Variants in GALNS observed in about 807,000 individuals in gnomAD.
GALNS encodes N-acetylgalactosamine-6-sulfatase.
A neutral mutation model predicts 65.9 loss-of-function variants in GALNS; 65 were observed. The observed-to-expected ratio is 0.99, with a 90% confidence interval of 0.81 to 1.21. The LOEUF (loss-of-function observed/expected upper bound fraction) is 1.21, where lower values mean the gene tolerates loss of function less well. Ranked by LOEUF, GALNS falls within the 50% of genes most tolerant of loss-of-function variation. GALNS has a pLI of 0.00. For missense variants in GALNS, 776 were observed against 700.7 expected (o/e 1.11, Z -1.21); for synonymous variants, 346 against 288.9 (o/e 1.20, Z -2.00).
intron 2 of GALNS, 145 bp from the exon 3 acceptor site, chr16:88,842,116 C>T (rs1020369203): frequency 1.3e-6 from 1 of 752,394 alleles, no homozygotes; most frequent in East Asian, 2.7e-5. Flanking sequence ...CTGTCAATCC[C>T]CGTTAGCGTC....
In GALNS at chr16:88,814,179, C is replaced by T. The variant is rs948504888; in HGVS notation, c.*260G>A. 1.4e-5 allele frequency: 8 copies of T among 570,096 alleles called. No homozygotes were observed. Among genetic ancestry groups the T allele is most frequent in the South Asian group, 4.0e-5 (2 of 50,286 alleles). 35.3% of individuals were successfully genotyped at this position (570,096 alleles called of 1,614,324 possible). A position where few individuals can be genotyped will look rare whatever the true frequency, so the allele number is the denominator to read the frequency against. ...ATTTGGGGTTCACAAAGGCGTGAGACGGCAGGGTCCTGAGGTCTGAGGCGC... is the reference window on the plus strand; with the variant it reads ...ATTTGGGGTTCACAAAGGCGTGAGATGGCAGGGTCCTGAGGTCTGAGGCGC... On this transcript the variant is annotated 3_prime_UTR_variant, in exon 14 of 14. Coordinates refer to ENST00000268695, the MANE Select transcript of GALNS (RefSeq NM_000512.5).
intron 8 of GALNS, among the ~76,000 whole-genome samples, chr16:88,834,958 G>A (rs1033797544): frequency 6.6e-6 from 1 of 152,090 alleles, no homozygotes; most frequent in Admixed American, 6.6e-5. Context: ...GGAGGCGTCA[G>A]CCTCTTCCAA....
At chr16:88,816,231 T>C (rs1003885093) in intron 13 of GALNS, 20 of 985,324 alleles carry the variant, frequency 2.0e-5, no homozygotes, top group Non-Finnish European at 2.4e-5. Context: ...TCCCCTGCCC[T>C]GTGCCCACTG....
At position 88,830,230 on chromosome 16, in the gene GALNS, C is replaced by CAAAA. The variant is rs758855583; in HGVS notation, c.1002+1764_1002+1767dup. ...TGGGCAACAGAGTGAGACTTCATCT[C>CAAAA]AAAAAAAAAAAAAAAAAAAAAAAAA... On this transcript the variant is annotated intron_variant, in intron 9 of 13. Coordinates refer to ENST00000268695, the MANE Select transcript of GALNS (RefSeq NM_000512.5). Among the ~76,000 whole-genome samples the CAAAA allele has an allele frequency of 3.6e-4, 5 of 13,982 alleles. 1 individual carries two copies. Among genetic ancestry groups the CAAAA allele is most frequent in the African/African-American group, 6.8e-4 (4 of 5,850 alleles). 9.2% of individuals were successfully genotyped at this position (13,982 alleles called of 152,430 possible). A position where few individuals can be genotyped will look rare whatever the true frequency, so the allele number is the denominator to read the frequency against.
At chr16:88,851,120 G>A (rs1276512930) in intron 1 of GALNS, among the ~76,000 whole-genome samples, 1 of 152,138 alleles carries the variant, frequency 6.6e-6, no homozygotes, top group African/African-American at 2.4e-5. Context: ...ATGAAAAGCA[G>A]GTGTGGACAG....
At position 88,824,815 on chromosome 16, in the gene GALNS, G is replaced by C; in HGVS notation, c.1194C>G (p.His398Gln). ...TGGTCCAGGTCCAGAAGTGAGCCTT[G>C]TGCTGCCCGAGGGTGGCCGCCATCA... ...DTLMAATLGQ[H>Q]KAHFWTWTNS... Residue 398 changes from histidine to glutamine, a missense_variant, in exon 11 of 14, where the codon CAC (histidine) becomes CAG (glutamine). By Grantham distance (24) the His-to-Gln change is conservative. Transcript: ENST00000268695. 2.5e-6 allele frequency: 4 copies of C among 1,613,438 alleles called. No individual in the cohort carries two copies. The highest frequency in any genetic ancestry group is 3.4e-6 in the Non-Finnish European group (4 of 1,180,014).
At position 88,856,329 on chromosome 16, in the gene GALNS, C is replaced by G. The variant is rs1461048396; in HGVS notation, c.120+429G>C. On this transcript the variant is annotated intron_variant, in intron 1 of 13. Transcript: ENST00000268695. ...AGGGCGACGCAGCTCTCAGGCAGGG[C>G]GGCAGGAGCAGCCTCTTCCTCCCTT... 3 of 702,526 alleles carry G rather than the reference C, an allele frequency of 4.3e-6. No individual in the cohort carries two copies. In the African/African-American group the frequency reaches 5.2e-5, roughly 12 times the overall value. The allele number at this position is 702,526 out of a possible 1,614,324, so 43.5% of individuals were successfully genotyped here.
At chr16:88,816,508 C>CCGGGGG in intron 13 of GALNS, 1 of 983,264 alleles carries the variant, frequency 1.0e-6, no homozygotes, top group Non-Finnish European at 1.2e-6. Context: ...TGAAACTTGC[C>CCGGGGG]AGGCACCCCC....
intron 6 of GALNS, 120 bp downstream of exon 6, chr16:88,836,081 C>A: frequency 8.8e-7 from 1 of 1,130,598 alleles, no homozygotes; most frequent in Non-Finnish European, 1.3e-6. Context: ...GTCCCTGAAC[C>A]CATGCCTCCC....
chr16:88,856,244 C>G, intron 1 of GALNS: 1 of 703,048 alleles, frequency 1.4e-6, no homozygotes, highest in Non-Finnish European at 2.6e-6. Flanking sequence ...AGACAGCCGT[C>G]AGGTAAGACT....
intron 13 of GALNS, chr16:88,815,647 G>T: frequency 1.0e-6 from 1 of 985,480 alleles, no homozygotes; most frequent in Non-Finnish European, 1.2e-6. Flanking sequence ...GTCAGACGCC[G>T]CATGGCCCTG....
At chr16:88,848,167 C>T (rs113094113) in intron 1 of GALNS, among the ~76,000 whole-genome samples, 5 of 152,180 alleles carry the variant, frequency 3.3e-5, no homozygotes, top group African/African-American at 9.7e-5. Context: ...GGGAGCGGGT[C>T]GGCCAGGGGC....
At chr16:88,841,335 C>A (rs1032182960) in intron 3 of GALNS, among the ~76,000 whole-genome samples, 1 of 152,158 alleles carries the variant, frequency 6.6e-6, no homozygotes, top group African/African-American at 2.4e-5. Context: ...TCCGTGCCCC[C>A]CAGCGCCTTC....
At position 88,842,230 on chromosome 16, in the gene GALNS, C is replaced by T. The variant is rs188610743; in HGVS notation, c.245-259G>A. On this transcript the variant is annotated intron_variant, in intron 2 of 13. Coordinates refer to ENST00000268695, the MANE Select transcript of GALNS (RefSeq NM_000512.5). Reference sequence around the variant, plus strand: ...CCAAGACCCCGCCTCCTTTCGCAGGCTCCTGGGACACCCACTGGGCGTGCA... The same window carrying T: ...CCAAGACCCCGCCTCCTTTCGCAGGTTCCTGGGACACCCACTGGGCGTGCA... The T allele has an allele frequency of 3.1e-3, 1,869 of 597,696 alleles. 5 individuals carry two copies. The highest frequency in any genetic ancestry group is 6.3e-3 in the Admixed American group (254 of 40,160). The allele number at this position is 597,696 out of a possible 1,614,324, so 37.0% of individuals were successfully genotyped here.
At chr16:88,820,615 G>C (rs1243513519) in intron 12 of GALNS, among the ~76,000 whole-genome samples, 1 of 152,226 alleles carries the variant, frequency 6.6e-6, no homozygotes, top group Non-Finnish European at 1.5e-5. Context: ...GCCTGGGTTT[G>C]CTTTGAAATA....
intron 1 of GALNS, chr16:88,855,423 C>A (rs1967765860): frequency 2.8e-6 from 2 of 702,692 alleles, no homozygotes; most frequent in Non-Finnish European, 5.2e-6. Flanking sequence ...AGCAAAGTAT[C>A]TTTAGGAGGG....
intron 11 of GALNS, 133 bp from the exon 12 acceptor site, chr16:88,822,843 A>G (rs536075935): frequency 7.4e-7 from 1 of 1,345,718 alleles, no homozygotes; most frequent in East Asian, 2.7e-5. Context: ...GGAGCCCCTA[A>G]CTGGGGGCCG....
chr16:88,819,724 C>G (rs1027329011), intron 12 of GALNS, among the ~76,000 whole-genome samples: 13 of 152,024 alleles, frequency 8.6e-5, no homozygotes, highest in Non-Finnish European at 1.8e-4. Flanking sequence ...GAGAGAGTCT[C>G]GCGCTGTCAC....
rs1465132531 is a variant in GALNS at position 88,826,712 on chromosome 16, G to C, written c.1129C>G (p.Leu377Val). Reference protein sequence around the residue: ...NLLPTLLQGRLMDRPIFYYRG... With the variant: ...NLLPTLLQGRVMDRPIFYYRG... ...AGGTCTAGCACCAACCTGTCCATCA[G>C]CCGGCCCTGCAGGAGGGTGGGGAGG... Residue 377 changes from leucine (L) to valine (V), a missense_variant, in exon 10 of 14, where the codon CTG (leucine) becomes GTG (valine). Physicochemically the swap from Leu to Val is conservative, Grantham distance 32. Coordinates refer to ENST00000268695, the MANE Select transcript of GALNS (RefSeq NM_000512.5). 2.5e-6 allele frequency: 4 copies of C among 1,612,548 alleles called. No homozygotes were observed. Among genetic ancestry groups the C allele is most frequent in the Non-Finnish European group, 1.7e-6 (2 of 1,179,718 alleles).
Sources: allele counts gnomAD v4.1 joint callset (sites outside exome capture counted in the v4.1 genomes callset), GRCh38; gene constraint gnomAD v4.1.1; transcripts MANE v1.5; gene names NCBI Gene and HGNC (gene_info 2026-07-23, HGNC 2026-07-21).